TCOF1: variants seen among roughly 807,000 people sequenced by gnomAD.
TCOF1 encodes treacle protein.
TCOF1 carries 33 observed loss-of-function variants against 149.0 expected under a neutral mutation model. The ratio of observed to expected loss-of-function variants is 0.22; its 90% confidence interval spans 0.17 to 0.30. The LOEUF is 0.30. Among genes scored for constraint, TCOF1 ranks in the 10% least tolerant of loss-of-function variants. The pLI is 1.00. For synonymous variants in TCOF1, 789 were observed against 738.8 expected (o/e 1.07, Z -1.10); for missense variants, 1,728 against 1,840.7 (o/e 0.94, Z 1.12).
chr5:150,393,907 A>G, intron 23 of TCOF1: 1 of 333,364 alleles, frequency 3.0e-6, no homozygotes, highest in East Asian at 7.8e-5. Context: ...ATTACTTGAG[A>G]GGCCAAGGCA....
intron 10 of TCOF1, 62 bp from the exon 11 acceptor site, chr5:150,375,277 C>T: frequency 1.2e-6 from 2 of 1,604,076 alleles, no homozygotes; most frequent in East Asian, 2.2e-5. Context: ...GTTTGCTCTC[C>T]TCCCCTCACT....
intron 1 of TCOF1, among the ~76,000 whole-genome samples, chr5:150,360,862 G>T (rs1297531120): frequency 6.6e-6 from 1 of 151,292 alleles, no homozygotes. Flanking sequence ...TCAGCCTCCT[G>T]AGTAGCCGGG....
At chr5:150,395,506 CAAG>C (rs1768285896) in intron 23 of TCOF1, among the ~76,000 whole-genome samples, 2 of 151,462 alleles carry the variant, frequency 1.3e-5, no homozygotes, top group Non-Finnish European at 2.9e-5. Context: ...GGCGGTGCGA[CAAG>C]GAGACATTTT....
chr5:150,398,596 C>T, intron 25 of TCOF1, 145 bp downstream of exon 25: 1 of 1,305,464 alleles, frequency 7.7e-7, no homozygotes, highest in Non-Finnish European at 1.1e-6. Context: ...AGGGAAGAGG[C>T]TGGCAGGGCA....
Position 150,364,251 on chromosome 5 carries a change from C to T in TCOF1, c.303C>T (p.Ala101=). The T allele has an allele frequency of 6.2e-7, 1 of 1,614,114 alleles. No homozygotes were observed. The change falls in exon 3 of 27, where the codon GCC becomes GCT. Residue 101 remains alanine, a splice_region_variant and synonymous_variant. Coordinates refer to ENST00000643257, the MANE Select transcript of TCOF1 (RefSeq NM_001371623.1). ...EEEAEAETAK[A]TPRLASTNSS... is the part of the protein sequence containing the mutation. ...AAGCAGAAGCCGAAACCGCCAAAGC[C>T]AGTAAGAGCCTTGCAGCTTTGGGAA...
intron 6 of TCOF1, 29 bp downstream of exon 6, chr5:150,369,631 C>T (rs1762105632): frequency 1.9e-6 from 3 of 1,611,698 alleles, no homozygotes; most frequent in Non-Finnish European, 2.5e-6. Flanking sequence ...TAGGAGTTGC[C>T]CTCTCCCAGC....
Position 150,389,884 on chromosome 5 carries a change from C to T in TCOF1, c.3047-3C>T, listed in dbSNP as rs749939608. The T allele has an allele frequency of 1.2e-6, 2 of 1,614,236 alleles. No individual in the cohort carries two copies. The highest frequency in any genetic ancestry group is 2.7e-5 in the African/African-American group (2 of 75,074). On this transcript the variant is annotated splice_region_variant and splice_polypyrimidine_tract_variant and intron_variant, in intron 18 of 26. Transcript: ENST00000643257. ...GATGTGCCCCCATCTCGCTCCATTT[C>T]AGGCATCAGAACCAATGTGGTGACC...
At chr5:150,387,791 C>T in intron 17 of TCOF1, 111 bp from the exon 18 acceptor site, 2 of 1,469,548 alleles carry the variant, frequency 1.4e-6, no homozygotes, top group South Asian at 1.2e-5. Flanking sequence ...GCCCAGCTGC[C>T]CCTGAGCTCA....
At chr5:150,384,592 T>TG in intron 17 of TCOF1, 1 of 985,436 alleles carries the variant, frequency 1.0e-6, no homozygotes, top group Non-Finnish European at 1.2e-6. Context: ...CCTTTCTCTG[T>TG]GGGGGTGGAC....
chr5:150,367,797 T>C, intron 3 of TCOF1, 47 bp from the exon 4 acceptor site: 1 of 1,607,104 alleles, frequency 6.2e-7, no homozygotes, highest in Non-Finnish European at 8.5e-7. Context: ...CATTCATAGA[T>C]GAGAAAAGCT....
rs1401529442 is a variant in TCOF1 at position 150,396,278 on chromosome 5, A to AT, written c.3785-3dup. 6.2e-7 allele frequency: 1 copy of AT among 1,614,020 alleles called. No individual in the cohort carries two copies. Among genetic ancestry groups the AT allele is most frequent in the African/African-American group, 1.3e-5 (1 of 75,022 alleles). On this transcript the variant is annotated splice_region_variant and splice_polypyrimidine_tract_variant and intron_variant, in intron 23 of 26. Coordinates refer to ENST00000643257, the MANE Select transcript of TCOF1 (RefSeq NM_001371623.1). ...ATCTGTGACCCCACATTCTCTCTCC[A>AT]TAGGTGGAAAAGAGGCTGCTTCAGG...
In TCOF1 at chr5:150,392,184, T is replaced by G; in HGVS notation, c.3517+8T>G. ...AGTCAGCCCACACGCTGGGTGAGGG[T>G]GCCAGGGGAAAGGCAAGGGTGGGCC... On this transcript the variant is annotated splice_region_variant and intron_variant, in intron 21 of 26. Coordinates refer to ENST00000643257, the MANE Select transcript of TCOF1 (RefSeq NM_001371623.1). 6.2e-7 allele frequency: 1 copy of G among 1,612,662 alleles called. No homozygotes were observed.
chr5:150,374,177 A>G lies in TCOF1; in HGVS notation c.874A>G (p.Lys292Glu). The G allele has an allele frequency of 1.2e-6, 2 of 1,611,478 alleles. No individual in the cohort carries two copies. The highest frequency in any genetic ancestry group is 1.1e-5 in the South Asian group (1 of 90,678). Residue 292 changes from lysine (K) to glutamate (E), a missense_variant, in exon 8 of 27, where the codon AAG (lysine) becomes GAG (glutamate). By Grantham distance (56) the Lys-to-Glu change is moderately conservative. Around this residue, in one of 2 missense-constraint regions of TCOF1, gnomAD observed 1,696 missense variants for 1,765.4 expected, o/e 0.96. Coordinates refer to ENST00000643257, the MANE Select transcript of TCOF1 (RefSeq NM_001371623.1). ...EAPAGTRSQV[K>E]ASEKILQVRA... Reference sequence around the variant, plus strand: ...GCTGCCCTTTCTTTTTCACCAGGTAAAGGCCTCTGAAAAAATTCTCCAGGT... The same window carrying G: ...GCTGCCCTTTCTTTTTCACCAGGTAGAGGCCTCTGAAAAAATTCTCCAGGT...
At chr5:150,381,503 G>A (rs1392026975) in intron 17 of TCOF1, among the ~76,000 whole-genome samples, 1 of 152,232 alleles carries the variant, frequency 6.6e-6, no homozygotes, top group African/African-American at 2.4e-5. Flanking sequence ...AGTGGAGAAG[G>A]CCCCTCAGTG....
At position 150,391,996 on chromosome 5, in the gene TCOF1, C is replaced by CCTCT. The variant is rs1429628044; in HGVS notation, c.3337_3338insCTCT (p.Gln1113ProfsTer18). The CCTCT allele has an allele frequency of 6.2e-7, 1 of 1,614,086 alleles. No individual in the cohort carries two copies. The highest frequency in any genetic ancestry group is 1.3e-5 in the African/African-American group (1 of 74,916). ...GGGAACACTCCCTGCAACAAGTCCC[C>CCTCT]AGAGCACCTCCGTCCAGGCCAAAGG... On this transcript the variant is annotated frameshift_variant, in exon 21 of 27. Transcript: ENST00000643257. LOFTEE classifies it high-confidence loss of function.
chr5:150,376,033 G>T (rs1420410176), intron 12 of TCOF1, 49 bp from the exon 13 acceptor site: 2 of 1,613,122 alleles, frequency 1.2e-6, no homozygotes, highest in South Asian at 1.1e-5. Context: ...ACAGATGGGG[G>T]ACTCTGAGTT....
rs560713844 is a variant in TCOF1, at chr5:150,374,745, G to C, written c.1212G>C (p.Gly404=). The C allele has an allele frequency of 1.1e-5, 18 of 1,613,310 alleles. No individual in the cohort carries two copies. The East Asian group carries it at 4.0e-4, about 36-fold the overall frequency. The change falls in exon 9 of 27, where the codon GGG becomes GGC. Residue 404 remains glycine, a synonymous_variant. Coordinates refer to ENST00000643257, the MANE Select transcript of TCOF1 (RefSeq NM_001371623.1). ...TGPAVAKAQA[G]KREEDSQSSS... is the part of the protein sequence containing the mutation. ...CTGCAGTTGCCAAGGCCCAGGCGGG[G>C]AAGCGGGAGGAGGACTCGCAGAGCA...
chr5:150,397,108 G>A (rs908405408), intron 24 of TCOF1, among the ~76,000 whole-genome samples: 3 of 136,140 alleles, frequency 2.2e-5, no homozygotes, highest in Non-Finnish European at 3.0e-5. Context: ...GCAGTGAGCC[G>A]AGATCACGCA....
In TCOF1 at chr5:150,368,721, G is replaced by C. The variant is rs758180191; in HGVS notation, c.384G>C (p.Glu128Asp). Residue 128 changes from glutamate (E) to aspartate (D), a missense_variant, in exon 5 of 27, where the codon GAG (glutamate) becomes GAC (aspartate). Transcript: ENST00000643257. ...GTCACTCTTGTTCTCTGTAGGCAGAGACAGAGAAAGCTGGCAAGACTGGGA... is the reference window on the plus strand; with the variant it reads ...GTCACTCTTGTTCTCTGTAGGCAGACACAGAGAAAGCTGGCAAGACTGGGA... ...PSSMKEKAKA[E>D]TEKAGKTGNS... 72 of 1,613,876 alleles carry C rather than the reference G, an allele frequency of 4.5e-5. No homozygotes were observed. The highest frequency in any genetic ancestry group is 5.8e-5 in the Non-Finnish European group (68 of 1,180,004).
Sources: gnomAD v4.1 joint callset for allele counts (sites outside exome capture counted in the v4.1 genomes callset) on GRCh38, gnomAD v4.1.1 for gene constraint, gnomAD v4.1.1 regional missense constraint, MANE v1.5 for transcripts, NCBI Gene and HGNC (gene_info 2026-07-23, HGNC 2026-07-21) for gene names.